Variants in BCL11A observed in about 807,000 individuals in gnomAD.
BCL11A encodes BCL11 transcription factor A.
BCL11A carries 2 observed loss-of-function variants against 55.9 expected under a neutral mutation model. The observed-to-expected ratio is 0.04, with a 90% CI of 0.01 to 0.11. The LOEUF (loss-of-function observed/expected upper bound fraction) is 0.11, where lower values mean the gene tolerates loss of function less well. Ranked by LOEUF, BCL11A falls within the 10% of genes least tolerant of loss-of-function variation. The probability of loss-of-function intolerance (pLI) is 1.00; values close to 1 mark genes in which losing one functional copy is unlikely to be tolerated. For synonymous variants in BCL11A, 465 were observed against 473.4 expected (o/e 0.98, Z 0.23); for missense variants, 817 against 1,137.1 (o/e 0.72, Z 4.05).
At chr2:60,456,150 C>A (rs190662106), downstream of BCL11A, among the ~76,000 whole-genome samples, 188 of 152,290 alleles carry the variant, frequency 1.2e-3, no homozygotes, top group African/African-American at 4.2e-3. Flanking sequence ...AAGGCCACCT[C>A]ACAGGCACTA....
intron 2 of BCL11A, among the ~76,000 whole-genome samples, chr2:60,475,391 G>A (rs764603620): frequency 9.2e-5 from 14 of 152,134 alleles, no homozygotes; most frequent in Admixed American, 8.5e-4. Flanking sequence ...TGGGTGGCCC[G>A]CTAAGGCAAA....
chr2:60,534,136 C>T (rs1369128232), intron 2 of BCL11A: 1 of 152,218 alleles, frequency 6.6e-6, no homozygotes, highest in Non-Finnish European at 1.5e-5. Context: ...TCTCAAAAAT[C>T]GGAAACCGTT....
chr2:60,521,855 C>T (rs148324328), intron 2 of BCL11A, among the ~76,000 whole-genome samples: 33 of 152,322 alleles, frequency 2.2e-4, no homozygotes, highest in Admixed American at 5.2e-4. Context: ...CAAGCAAACG[C>T]CACATCTGAC....
chr2:60,539,901 G>C (rs963295840), intron 2 of BCL11A, among the ~76,000 whole-genome samples: 7 of 152,132 alleles, frequency 4.6e-5, no homozygotes, highest in African/African-American at 1.7e-4. Context: ...GTCGTAAAGG[G>C]GAGAAGCTGT....
At chr2:60,550,762 T>C in intron 1 of BCL11A, 1 of 398,760 alleles carries the variant, frequency 2.5e-6, no homozygotes, top group East Asian at 3.6e-5. Flanking sequence ...GGGAGCAGCC[T>C]GGACTGCGCG....
intron 1 of BCL11A, among the ~76,000 whole-genome samples, chr2:60,549,454 A>G (rs548680487): frequency 4.6e-5 from 7 of 152,254 alleles, no homozygotes; most frequent in Non-Finnish European, 8.8e-5. Context: ...AAGAAACAAA[A>G]GCAAAGCCGG....
chr2:60,479,890 C>T (rs1677857210), intron 2 of BCL11A, among the ~76,000 whole-genome samples: 1 of 152,196 alleles, frequency 6.6e-6, no homozygotes, highest in African/African-American at 2.4e-5. Flanking sequence ...ACGCTTCTGT[C>T]CCTCCCTTCC....
intron 2 of BCL11A, among the ~76,000 whole-genome samples, chr2:60,510,358 C>T (rs1260468334): frequency 6.6e-6 from 1 of 152,178 alleles, no homozygotes; most frequent in Non-Finnish European, 1.5e-5. Flanking sequence ...GTATTACACA[C>T]AAGGTCTCTG....
intron 3 of BCL11A, 30 bp downstream of exon 3, chr2:60,468,702 C>T (rs758800582): frequency 6.6e-7 from 1 of 1,517,854 alleles, no homozygotes; most frequent in Non-Finnish European, 9.1e-7. Context: ...TACACATGGA[C>T]ATTTGTAGAA....
chr2:60,464,573 T>C (rs1258501674), intron 3 of BCL11A, among the ~76,000 whole-genome samples: 1 of 152,232 alleles, frequency 6.6e-6, no homozygotes, highest in Non-Finnish European at 1.5e-5. Flanking sequence ...TCACTCCAAA[T>C]GCCTTAAAAT....
intron 1 of BCL11A, among the ~76,000 whole-genome samples, chr2:60,551,872 G>C (rs529513051): frequency 1.3e-5 from 2 of 151,498 alleles, no homozygotes; most frequent in Non-Finnish European, 3.0e-5. Flanking sequence ...CGCCTGCTCC[G>C]GGGCTGCCGC....
intron 2 of BCL11A, chr2:60,524,876 C>T (rs868171795): frequency 6.6e-6 from 1 of 152,140 alleles, no homozygotes. Flanking sequence ...CAGAAACATC[C>T]GTGCTAAAAG....
chr2:60,486,565 C>A lies in BCL11A; in HGVS notation c.386-17732G>T, dbSNP rs536117961. On this transcript the variant is annotated intron_variant, in intron 2 of 3. Coordinates refer to ENST00000642384, the MANE Select transcript of BCL11A (RefSeq NM_022893.4). ...CCTTGAAATTTTCCCTATCCACAGA[C>A]CACAGCCCTGTGATGGACATGAGAT... Among the ~76,000 whole-genome samples the A allele has an allele frequency of 1.3e-4, 20 of 152,334 alleles. 1 individual carries two copies. The South Asian group carries it at 4.1e-3, about 32-fold the overall frequency.
chr2:60,550,713 G>C (rs1670374049), intron 1 of BCL11A, among the ~76,000 whole-genome samples: 1 of 152,158 alleles, frequency 6.6e-6, no homozygotes, highest in South Asian at 2.1e-4. Context: ...TCCCAGCCTA[G>C]AGTGTCCCAA....
At chr2:60,545,423 T>A (rs1179113416) in intron 2 of BCL11A, 1 of 155,672 alleles carries the variant, frequency 6.4e-6, no homozygotes, top group African/African-American at 2.4e-5. Context: ...ACAGCCAATA[T>A]GGATCCAAGG....
chr2:60,475,550 A>C (rs1677546892), intron 2 of BCL11A, among the ~76,000 whole-genome samples: 1 of 152,220 alleles, frequency 6.6e-6, no homozygotes. Flanking sequence ...CACATTTTCA[A>C]CAAATGACTG....
chr2:60,453,714 T>A (rs1024159120), downstream of BCL11A, among the ~76,000 whole-genome samples: 3 of 152,236 alleles, frequency 2.0e-5, no homozygotes, highest in African/African-American at 7.2e-5. Flanking sequence ...AAGTATATCA[T>A]GGGCATGTAC....
At chr2:60,467,795 GTACTGGTGGTGATGGTAC>G (rs1676881944) in intron 3 of BCL11A, among the ~76,000 whole-genome samples, 1 of 107,162 alleles carries the variant, frequency 9.3e-6, no homozygotes, top group Non-Finnish European at 2.1e-5. Flanking sequence ...GATGGTGATG[GTACTGGTGGTGATGGTAC>G]TGGTGGTGAT....
chr2:60,513,643 G>A (rs1311447251), intron 2 of BCL11A, among the ~76,000 whole-genome samples: 3 of 152,056 alleles, frequency 2.0e-5, no homozygotes, highest in African/African-American at 7.2e-5. Flanking sequence ...CCACTCACAC[G>A]CTAAAGTAAA....
Sources: allele counts gnomAD v4.1 joint callset (sites outside exome capture counted in the v4.1 genomes callset), GRCh38; gene constraint gnomAD v4.1.1; transcripts MANE v1.5; gene names NCBI Gene and HGNC (gene_info 2026-07-23, HGNC 2026-07-21).